Variants in SGCZ observed in about 807,000 individuals in gnomAD.
SGCZ encodes sarcoglycan zeta.
Under a neutral mutation model 41.3 loss-of-function variants are expected in SGCZ, and 40 were observed. That is an observed-to-expected ratio of 0.97 (90% CI 0.75 to 1.26). SGCZ has a LOEUF of 1.26. Ranked by LOEUF, SGCZ falls within the 50% of genes most tolerant of loss-of-function variation. SGCZ has a pLI of 0.00. For synonymous variants in SGCZ, 206 were observed against 137.5 expected (o/e 1.50, Z -3.49); for missense variants, 552 against 369.8 (o/e 1.49, Z -4.04).
At chr8:14,643,954 G>A (rs1214409632) in intron 1 of SGCZ, among the ~76,000 whole-genome samples, 1 of 148,546 alleles carries the variant, frequency 6.7e-6, no homozygotes, top group African/African-American at 2.5e-5. Flanking sequence ...TGTGAATGAA[G>A]AAAGACCAAT....
At chr8:14,970,246 C>T (rs997545745) in intron 1 of SGCZ, among the ~76,000 whole-genome samples, 1 of 152,078 alleles carries the variant, frequency 6.6e-6, no homozygotes, top group African/African-American at 2.4e-5. Flanking sequence ...TTTTTATATA[C>T]TCTGACACAA....
At chr8:14,948,525 C>A (rs1800529591) in intron 1 of SGCZ, among the ~76,000 whole-genome samples, 1 of 151,140 alleles carries the variant, frequency 6.6e-6, no homozygotes, top group Non-Finnish European at 1.5e-5. Flanking sequence ...CTATTATTAC[C>A]CTTCTTCCCT....
intron 1 of SGCZ, among the ~76,000 whole-genome samples, chr8:14,624,649 A>C (rs1256710646): frequency 7.2e-6 from 1 of 138,720 alleles, no homozygotes; most frequent in Admixed American, 7.7e-5. Flanking sequence ...CGGCTCACTG[A>C]AACCTCCGCC....
intron 1 of SGCZ, among the ~76,000 whole-genome samples, chr8:15,034,092 A>G (rs1245336505): frequency 6.6e-6 from 1 of 152,186 alleles, no homozygotes; most frequent in Non-Finnish European, 1.5e-5. Flanking sequence ...GAAAACCCAC[A>G]ATAATCTTTG....
intron 1 of SGCZ, among the ~76,000 whole-genome samples, chr8:14,911,617 A>T (rs1213552428): frequency 1.3e-5 from 2 of 152,042 alleles, no homozygotes; most frequent in Non-Finnish European, 2.9e-5. Flanking sequence ...GAATTCCCAT[A>T]ATAAAATCTG....
chr8:14,334,301 A>C (rs1802433415), intron 2 of SGCZ, among the ~76,000 whole-genome samples: 1 of 152,236 alleles, frequency 6.6e-6, no homozygotes, highest in Admixed American at 6.5e-5. Flanking sequence ...CAGTTCATAC[A>C]GCACTTCAGC....
chr8:14,339,012 G>C (rs764861824), intron 2 of SGCZ, among the ~76,000 whole-genome samples: 1 of 152,156 alleles, frequency 6.6e-6, no homozygotes. Context: ...ATCTATGTTA[G>C]AGAAATTAGT....
chr8:14,785,398 T>C (rs117845693), intron 1 of SGCZ, among the ~76,000 whole-genome samples: 2 of 152,248 alleles, frequency 1.3e-5, no homozygotes, highest in Non-Finnish European at 2.9e-5. Flanking sequence ...AACTCTGAAA[T>C]CTGTATCCAT....
intron 1 of SGCZ, among the ~76,000 whole-genome samples, chr8:14,779,061 T>G (rs923940478): frequency 2.6e-5 from 4 of 152,140 alleles, no homozygotes; most frequent in Admixed American, 2.0e-4. Context: ...AAAAGCTAAA[T>G]ACAACTCAAG....
At chr8:14,656,776 A>G (rs1480455850) in intron 1 of SGCZ, among the ~76,000 whole-genome samples, 2 of 151,890 alleles carry the variant, frequency 1.3e-5, no homozygotes, top group Non-Finnish European at 2.9e-5. Context: ...ATAGAAAACA[A>G]CATTTTTTCT....
rs1251039849 is a variant in SGCZ at position 15,238,143 on chromosome 8, T to C, written c.-520A>G. ...AGTCCCAGGCATTAGCAATGATCAG[T>C]TTCCCCGGCAAGATAACAGAATCCC... On this transcript the variant is annotated 5_prime_UTR_variant, in exon 1 of 8. Transcript: ENST00000382080. 6.5e-6 allele frequency: 1 copy of C among 152,738 alleles called. No individual in the cohort carries two copies. The highest frequency in any genetic ancestry group is 1.5e-5 in the Non-Finnish European group (1 of 68,530). The allele number at this position is 152,738 out of a possible 1,614,324, so 9.5% of individuals were successfully genotyped here.
At chr8:15,127,166 G>T (rs17655587) in intron 1 of SGCZ, among the ~76,000 whole-genome samples, 20,256 of 151,266 alleles carry the variant, frequency 0.13, 1,461 homozygotes, top group East Asian at 0.27. Flanking sequence ...AGTCAAAGAG[G>T]TACAGGCTAC....
Position 15,105,543 on chromosome 8 carries a change from C to T in SGCZ, c.39+132042G>A, listed in dbSNP as rs115474050. Reference sequence around the variant, plus strand: ...CCGAAGTGATACCCACTTTTAAACACGCAGATCTTGTCAGAAGACCATCAT... The same window carrying T: ...CCGAAGTGATACCCACTTTTAAACATGCAGATCTTGTCAGAAGACCATCAT... On this transcript the variant is annotated intron_variant, in intron 1 of 7. Coordinates refer to ENST00000382080, the MANE Select transcript of SGCZ (RefSeq NM_139167.4). 5.8e-3 allele frequency among the ~76,000 whole-genome samples: 876 copies of T among 152,124 alleles called. 14 individuals carry two copies. Among genetic ancestry groups the T allele is most frequent in the African/African-American group, 0.02 (827 of 41,498 alleles).
chr8:14,270,720 T>A (rs1420771514), intron 3 of SGCZ, among the ~76,000 whole-genome samples: 6 of 152,162 alleles, frequency 3.9e-5, no homozygotes, highest in African/African-American at 9.7e-5. Context: ...TAAACACTAT[T>A]TCTATACATC....
At chr8:14,451,976 T>A (rs1479150781) in intron 2 of SGCZ, among the ~76,000 whole-genome samples, 1 of 152,234 alleles carries the variant, frequency 6.6e-6, no homozygotes, top group Non-Finnish European at 1.5e-5. Flanking sequence ...TCATACTCCT[T>A]GTTATTTATA....
chr8:15,225,273 A>T (rs1015769664), intron 1 of SGCZ, among the ~76,000 whole-genome samples: 17 of 152,146 alleles, frequency 1.1e-4, no homozygotes, highest in African/African-American at 4.1e-4. Flanking sequence ...TTAAAAGCGT[A>T]CAATGCAGCT....
chr8:14,426,082 T>C (rs1202678813), intron 2 of SGCZ, among the ~76,000 whole-genome samples: 4 of 152,196 alleles, frequency 2.6e-5, no homozygotes, highest in Admixed American at 6.5e-5. Flanking sequence ...ACATTATTTG[T>C]TCCTTCAACA....
intron 3 of SGCZ, among the ~76,000 whole-genome samples, chr8:14,307,409 C>G: frequency 6.6e-6 from 1 of 152,120 alleles, no homozygotes; most frequent in Non-Finnish European, 1.5e-5. Flanking sequence ...TGCATAATTC[C>G]TTTCCCGTCC....
At chr8:14,930,511 A>T (rs1799893909) in intron 1 of SGCZ, among the ~76,000 whole-genome samples, 1 of 152,060 alleles carries the variant, frequency 6.6e-6, no homozygotes, top group African/African-American at 2.4e-5. Context: ...ATTATAAATC[A>T]TTCTACTATA....
Sources: gnomAD v4.1 joint callset for allele counts (sites outside exome capture counted in the v4.1 genomes callset) on GRCh38, gnomAD v4.1.1 for gene constraint, MANE v1.5 for transcripts, NCBI Gene and HGNC (gene_info 2026-07-23, HGNC 2026-07-21) for gene names.